PPP3CB: variants seen among roughly 807,000 people sequenced by gnomAD.
PPP3CB encodes the protein protein phosphatase 3 catalytic subunit beta, also known as serine/threonine-protein phosphatase 2B catalytic subunit beta isoform.
A neutral mutation model predicts 66.4 loss-of-function variants in PPP3CB; 8 were observed. The ratio of observed to expected loss-of-function variants is 0.12; its 90% CI spans 0.07 to 0.22. The LOEUF (loss-of-function observed/expected upper bound fraction) is 0.22, where lower values mean the gene tolerates loss of function less well. Ranked by LOEUF, PPP3CB falls within the 10% of genes least tolerant of loss-of-function variation. The pLI is 1.00. For synonymous variants in PPP3CB, 208 were observed against 221.2 expected (o/e 0.94, Z 0.53); for missense variants, 319 against 642.5 (o/e 0.50, Z 5.44).
At chr10:73,487,003 G>C (rs932979485) in intron 1 of PPP3CB, among the ~76,000 whole-genome samples, 9 of 151,628 alleles carry the variant, frequency 5.9e-5, no homozygotes, top group Non-Finnish European at 1.2e-4. Context: ...AAACCCATCT[G>C]TACTAAAAAT....
intron 3 of PPP3CB, among the ~76,000 whole-genome samples, chr10:73,475,938 C>T (rs1333142977): frequency 6.6e-6 from 1 of 152,200 alleles, no homozygotes; most frequent in African/African-American, 2.4e-5. Flanking sequence ...CTCACTGCAG[C>T]CTCGACCTTC....
At chr10:73,487,564 CAA>C (rs746889105) in intron 1 of PPP3CB, among the ~76,000 whole-genome samples, 25 of 65,198 alleles carry the variant, frequency 3.8e-4, no homozygotes, top group Non-Finnish European at 5.4e-4. Context: ...AAACCAAAAC[CAA>C]AAAAAAAAAA....
chr10:73,462,787 G>A (rs1407218101), intron 9 of PPP3CB, among the ~76,000 whole-genome samples: 1 of 151,216 alleles, frequency 6.6e-6, no homozygotes, highest in Non-Finnish European at 1.5e-5. Context: ...CTGTCTCTGC[G>A]ACAAACACAA....
intron 4 of PPP3CB, among the ~76,000 whole-genome samples, chr10:73,474,427 GA>G (rs200185345): frequency 4.0e-5 from 6 of 150,614 alleles, no homozygotes; most frequent in African/African-American, 7.4e-5. Context: ...ATTCTGAAAT[GA>G]AAAAAAATTT....
Position 73,494,706 on chromosome 10 carries a change from T to A in PPP3CB, c.85+1099A>T, listed in dbSNP as rs572327350. Among the ~76,000 whole-genome samples, 363 of 151,672 alleles carry A rather than the reference T, an allele frequency of 2.4e-3. 1 individual carries two copies. Among genetic ancestry groups the A allele is most frequent in the African/African-American group, 8.1e-3 (336 of 41,380 alleles). On this transcript the variant is annotated intron_variant, in intron 1 of 13. Transcript: ENST00000360663. ...TTTTAAATATTTTAATGGAAACATATGAGTCAGATTTCAAAAAGTAGGCTA... is the reference window on the plus strand; with the variant it reads ...TTTTAAATATTTTAATGGAAACATAAGAGTCAGATTTCAAAAAGTAGGCTA...
rs201718096 is a variant in PPP3CB at position 73,456,161 on chromosome 10, CT to C, written c.1109-1673del. On this transcript the variant is annotated intron_variant, in intron 9 of 13. Coordinates refer to ENST00000360663, the MANE Select transcript of PPP3CB (RefSeq NM_021132.4). ...CAAAATTCAATACTTCTACAAACCA[CT>C]TTTTCCTGCTAATAAATATACTAAA... 1.3e-3 allele frequency among the ~76,000 whole-genome samples: 203 copies of C among 152,282 alleles called. 1 individual carries two copies. In the East Asian group the frequency reaches 0.016, roughly 12 times the overall value.
intron 10 of PPP3CB, among the ~76,000 whole-genome samples, chr10:73,453,424 A>G (rs994334702): frequency 4.1e-4 from 63 of 151,918 alleles, no homozygotes; most frequent in Admixed American, 2.2e-3. Flanking sequence ...GTGTGTGTGT[A>G]TATATATATT....
At chr10:73,485,948 G>T (rs1554826076) in intron 1 of PPP3CB, among the ~76,000 whole-genome samples, 4 of 122,302 alleles carry the variant, frequency 3.3e-5, no homozygotes, top group Admixed American at 9.5e-5. Flanking sequence ...GTGTGTGTGT[G>T]TGTATTTTTT....
intron 13 of PPP3CB, among the ~76,000 whole-genome samples, chr10:73,439,404 G>C (rs1430592216): frequency 6.6e-6 from 1 of 152,012 alleles, no homozygotes; most frequent in African/African-American, 2.4e-5. Context: ...TATAGTGACA[G>C]TTCCTGTATT....
intron 13 of PPP3CB, 112 bp downstream of exon 13, chr10:73,439,760 T>C: frequency 8.7e-7 from 1 of 1,153,378 alleles, no homozygotes. Context: ...AATCAGTGAG[T>C]CTGATTCATC....
At position 73,470,907 on chromosome 10, in the gene PPP3CB, A is replaced by T. The variant is rs751509835; in HGVS notation, c.867T>A (p.Ala289=). The change falls in exon 7 of 14, where the codon GCT becomes GCA. Residue 289 remains alanine (A), a synonymous_variant. Coordinates refer to ENST00000360663, the MANE Select transcript of PPP3CB (RefSeq NM_021132.4). ...QNNNLLSIIR[A]HEAQDAGYRM... ...CTTACCCTGCATCTTGAGCTTCATG[A>T]GCTCTAATAATCGATAACAAATTAT... 1 of 1,613,412 alleles carries T rather than the reference A, an allele frequency of 6.2e-7. No homozygotes were observed.
intron 1 of PPP3CB, among the ~76,000 whole-genome samples, chr10:73,491,797 G>A (rs539809839): frequency 2.0e-5 from 3 of 151,282 alleles, no homozygotes; most frequent in Admixed American, 6.6e-5. Context: ...GAGAAATGTC[G>A]TCTCTACTAA....
intron 1 of PPP3CB, among the ~76,000 whole-genome samples, chr10:73,494,099 T>C (rs2057126116): frequency 6.6e-6 from 1 of 152,058 alleles, no homozygotes; most frequent in Non-Finnish European, 1.5e-5. Context: ...AGGTAGCCAA[T>C]GTCCCGTTCC....
chr10:73,444,775 C>T lies in PPP3CB; in HGVS notation c.1316G>A (p.Gly439Glu). ...AGCTAACACTCCACTAGGCAACATCCCTGTGGGAGTCAGGCCCTTGAGTGT... is the reference window on the plus strand; with the variant it reads ...AGCTAACACTCCACTAGGCAACATCTCTGTGGGAGTCAGGCCCTTGAGTGT... ...VLTLKGLTPT[G>E]MLPSGVLAGG... The change falls in exon 12 of 14, where the codon GGG (glycine) becomes GAG (glutamate). Residue 439 changes from glycine (G) to glutamate (E), a missense_variant. Gly to Glu is a moderately conservative substitution (Grantham distance 98). Around this residue, in one of 5 missense-constraint regions of PPP3CB, gnomAD observed 120 missense variants for 331.2 expected, o/e 0.36. Coordinates refer to ENST00000360663, the MANE Select transcript of PPP3CB (RefSeq NM_021132.4). 1 of 1,613,914 alleles carries T rather than the reference C, an allele frequency of 6.2e-7. No individual in the cohort carries two copies. Among genetic ancestry groups the T allele is most frequent in the Non-Finnish European group, 8.5e-7 (1 of 1,180,030 alleles).
intron 13 of PPP3CB, among the ~76,000 whole-genome samples, chr10:73,438,716 T>A (rs1262157137): frequency 2.0e-5 from 3 of 152,168 alleles, no homozygotes; most frequent in African/African-American, 7.2e-5. Context: ...CTCCAGGCAA[T>A]GGTCTCAGGG....
At chr10:73,462,719 G>C (rs1214606774) in intron 9 of PPP3CB, among the ~76,000 whole-genome samples, 1 of 152,046 alleles carries the variant, frequency 6.6e-6, no homozygotes, top group Non-Finnish European at 1.5e-5. Flanking sequence ...GGAGGTTGAG[G>C]TGGGCGGATC....
At chr10:73,462,069 C>T (rs2056530108) in intron 9 of PPP3CB, among the ~76,000 whole-genome samples, 1 of 151,946 alleles carries the variant, frequency 6.6e-6, no homozygotes, top group African/African-American at 2.4e-5. Context: ...CCTGAGGCCT[C>T]CCCAAAAGCC....
At chr10:73,486,090 C>T (rs1438029546) in intron 1 of PPP3CB, among the ~76,000 whole-genome samples, 3 of 151,716 alleles carry the variant, frequency 2.0e-5, no homozygotes, top group Non-Finnish European at 4.4e-5. Context: ...GGATTACAGG[C>T]GTGCACCACC....
intron 9 of PPP3CB, among the ~76,000 whole-genome samples, chr10:73,455,637 C>T (rs1048197558): frequency 2.0e-5 from 3 of 152,134 alleles, no homozygotes; most frequent in South Asian, 2.1e-4. Flanking sequence ...GGCGCGATCT[C>T]GGCTCACTGC....
Sources: allele counts gnomAD v4.1 joint callset (sites outside exome capture counted in the v4.1 genomes callset), GRCh38; gene constraint gnomAD v4.1.1; regional missense constraint gnomAD v4.1.1; transcripts MANE v1.5; gene names NCBI Gene and HGNC (gene_info 2026-07-23, HGNC 2026-07-21).